The following FRYL variants were observed in gnomAD, a reference collection of about 807,000 sequenced individuals.
The protein encoded by FRYL is protein furry homolog-like.
Under a neutral mutation model 351.2 loss-of-function variants are expected in FRYL, and 150 were observed. The ratio of observed to expected loss-of-function variants is 0.43; its 90% CI spans 0.37 to 0.49. FRYL has a LOEUF of 0.49. Ranked by LOEUF, FRYL falls within the 20% of genes least tolerant of loss-of-function variation. The pLI, the probability that FRYL is intolerant of heterozygous loss-of-function variation, is 0.00. For synonymous variants in FRYL, 1,153 were observed against 1,257.1 expected, an observed-to-expected ratio of 0.92 and a Z score of 1.75; for missense variants, 3,036 against 3,619.3, an observed-to-expected ratio of 0.84 and a Z score of 4.13.
chr4:48,555,592 AGT>A (rs1733899974), intron 35 of FRYL, among the ~76,000 whole-genome samples: 1 of 152,164 alleles, frequency 6.6e-6, no homozygotes, highest in African/African-American at 2.4e-5. Flanking sequence ...AAGGCAAGTG[AGT>A]GTGAGGGCCC....
At chr4:48,718,518 A>G (rs1414804365) in intron 1 of FRYL, among the ~76,000 whole-genome samples, 1 of 151,604 alleles carries the variant, frequency 6.6e-6, no homozygotes, top group Non-Finnish European at 1.5e-5. Context: ...GAACATAAGT[A>G]CACTACTATT....
At chr4:48,560,088 G>T (rs1410470289) in intron 33 of FRYL, among the ~76,000 whole-genome samples, 2 of 152,122 alleles carry the variant, frequency 1.3e-5, no homozygotes, top group Admixed American at 6.6e-5. Flanking sequence ...GTGAGGAAGG[G>T]GTTAGGAGCA....
chr4:48,772,679 CAAAAAAAAAAA>C (rs33926702), intron 1 of FRYL, among the ~76,000 whole-genome samples: 4 of 50,266 alleles, frequency 8.0e-5, no homozygotes, highest in South Asian at 1.2e-3. Context: ...AGAGACCTAC[CAAAAAAAAAAA>C]AAAAAAAAAA....
intron 55 of FRYL, among the ~76,000 whole-genome samples, chr4:48,517,563 T>C (rs752451502): frequency 1.8e-4 from 28 of 152,210 alleles, no homozygotes; most frequent in Non-Finnish European, 3.2e-4. Flanking sequence ...GTTACAAAGA[T>C]TTCTTTCCTA....
Position 48,575,193 on chromosome 4 carries a change from T to C in FRYL, c.2770A>G (p.Met924Val), listed in dbSNP as rs774957945. The C allele has an allele frequency of 2.8e-5, 45 of 1,613,804 alleles. No individual in the cohort carries two copies. The highest frequency in any genetic ancestry group is 3.6e-5 in the Non-Finnish European group (42 of 1,179,852). ...ATTTCCATGCTCTCAGAACGCATCA[T>C]TGGAACTATGTGCTTAAACAAGGAT... is the stretch of plus-strand genomic sequence containing the variant. ...PSSLFKHIVP[M>V]MRSESMEITE... Residue 924 changes from methionine to valine, a missense_variant, in exon 25 of 64, where the codon ATG (methionine) becomes GTG (valine). Coordinates refer to ENST00000358350, the MANE Select transcript of FRYL (RefSeq NM_015030.2).
chr4:48,673,173 T>C (rs1164693890), intron 3 of FRYL, among the ~76,000 whole-genome samples: 3 of 152,222 alleles, frequency 2.0e-5, no homozygotes, highest in East Asian at 1.9e-4. Context: ...GTAAAAGTCA[T>C]GTAAAATAGC....
At chr4:48,760,904 C>T (rs1219244002) in intron 1 of FRYL, among the ~76,000 whole-genome samples, 3 of 152,000 alleles carry the variant, frequency 2.0e-5, no homozygotes, top group Non-Finnish European at 4.4e-5. Flanking sequence ...TCTAGAACTC[C>T]TGGCCTCAAG....
At position 48,581,532 on chromosome 4, in the gene FRYL, A is replaced by G. The variant is rs767921180; in HGVS notation, c.2060T>C (p.Val687Ala). The change falls in exon 21 of 64, where the codon GTT (valine) becomes GCT (alanine). Residue 687 changes from valine to alanine, a missense_variant. Val to Ala is a moderately conservative substitution (Grantham distance 64). Coordinates refer to ENST00000358350, the MANE Select transcript of FRYL (RefSeq NM_015030.2). ...RSPYSNVFHVVEGFALVILCS... is the reference protein window; with the variant it reads ...RSPYSNVFHVAEGFALVILCS... ...GAGAATGACAAGCGCAAAGCCTTCA[A>G]CCACATGGAATACATTGGAATATGG... is the stretch of plus-strand genomic sequence containing the variant. 3 of 1,614,080 alleles carry G rather than the reference A, an allele frequency of 1.9e-6. No homozygotes were observed. In the South Asian group the frequency reaches 3.3e-5, roughly 18 times the overall value.
chr4:48,656,823 C>T (rs1759318834), intron 3 of FRYL, among the ~76,000 whole-genome samples: 2 of 151,584 alleles, frequency 1.3e-5, no homozygotes, highest in South Asian at 4.1e-4. Context: ...TTGGAAGTTC[C>T]ATTTTACATC....
At chr4:48,591,260 A>G (rs186873583) in intron 16 of FRYL, among the ~76,000 whole-genome samples, 53 of 152,300 alleles carry the variant, frequency 3.5e-4, no homozygotes, top group African/African-American at 1.2e-3. Context: ...TGCTCTTGGT[A>G]TAGTGAGGGA....
chr4:48,610,329 C>T (rs1330707898), intron 7 of FRYL, among the ~76,000 whole-genome samples: 4 of 152,006 alleles, frequency 2.6e-5, no homozygotes, highest in Non-Finnish European at 5.9e-5. Context: ...AGAGTATATG[C>T]TAGTTCCTAT....
rs114118037 is a variant in FRYL, at chr4:48,740,660, A to C, written c.-383-29962T>G. On this transcript the variant is annotated intron_variant, in intron 1 of 63. Coordinates refer to ENST00000358350, the MANE Select transcript of FRYL (RefSeq NM_015030.2). ...ATATACAGATGGCAAACACACATGC[A>C]AAGAGATGCTCCATATCAGACACTA... Among the ~76,000 whole-genome samples the C allele has an allele frequency of 3.2e-3, 482 of 152,246 alleles. 1 individual carries two copies. The highest frequency in any genetic ancestry group is 0.011 in the African/African-American group (464 of 41,530).
At chr4:48,629,510 T>C (rs1752548410) in intron 4 of FRYL, among the ~76,000 whole-genome samples, 1 of 152,190 alleles carries the variant, frequency 6.6e-6, no homozygotes, top group African/African-American at 2.4e-5. Flanking sequence ...GTTCACAGTA[T>C]GCCAGACATT....
At chr4:48,768,948 C>A (rs1560377684) in intron 1 of FRYL, among the ~76,000 whole-genome samples, 1 of 152,042 alleles carries the variant, frequency 6.6e-6, no homozygotes, top group Non-Finnish European at 1.5e-5. Context: ...CTGGACAACA[C>A]AGCGACGCCC....
chr4:48,688,899 A>T (rs193008414), intron 2 of FRYL, among the ~76,000 whole-genome samples: 3 of 151,922 alleles, frequency 2.0e-5, no homozygotes, highest in African/African-American at 7.3e-5. Flanking sequence ...TTTGACCTCA[A>T]GTGATCCACC....
intron 27 of FRYL, among the ~76,000 whole-genome samples, chr4:48,570,550 A>G (rs1165705281): frequency 6.6e-6 from 1 of 152,220 alleles, no homozygotes; most frequent in Non-Finnish European, 1.5e-5. Flanking sequence ...TCCACTTGCC[A>G]AGATAACTAG....
intron 1 of FRYL, among the ~76,000 whole-genome samples, chr4:48,732,346 A>G (rs1435243906): frequency 6.6e-6 from 1 of 152,230 alleles, no homozygotes; most frequent in African/African-American, 2.4e-5. Context: ...AATTAGTTCA[A>G]GCATTGTGGA....
chr4:48,747,458 A>C (rs1772810581), intron 1 of FRYL, among the ~76,000 whole-genome samples: 1 of 152,236 alleles, frequency 6.6e-6, no homozygotes, highest in African/African-American at 2.4e-5. Flanking sequence ...ATTTTATTCA[A>C]ATTTATATTT....
intron 2 of FRYL, among the ~76,000 whole-genome samples, chr4:48,705,350 C>A (rs1767211070): frequency 6.6e-6 from 1 of 150,994 alleles, no homozygotes; most frequent in Non-Finnish European, 1.5e-5. Context: ...CAATCCAAGT[C>A]CCCATCAATT....
Sources: allele counts gnomAD v4.1 joint callset (sites outside exome capture counted in the v4.1 genomes callset), GRCh38; gene constraint gnomAD v4.1.1; transcripts MANE v1.5; gene names NCBI Gene and HGNC (gene_info 2026-07-23, HGNC 2026-07-21).